Variants in SDK2 observed in about 807,000 individuals in gnomAD.
SDK2 encodes sidekick cell adhesion molecule 2, also known as protein sidekick-2.
A neutral mutation model predicts 253.9 loss-of-function variants in SDK2; 105 were observed. That is an observed-to-expected ratio of 0.41 (90% CI 0.35 to 0.49). The LOEUF (loss-of-function observed/expected upper bound fraction) is 0.49, where lower values mean the gene tolerates loss of function less well. Ranked by LOEUF, SDK2 falls within the 20% of genes least tolerant of loss-of-function variation. The probability of loss-of-function intolerance (pLI) is 0.06; values close to 1 mark genes in which losing one functional copy is unlikely to be tolerated. For missense variants in SDK2, 2,608 were observed against 3,003.0 expected (o/e 0.87, Z 3.07); for synonymous variants, 1,249 against 1,234.9 (o/e 1.01, Z -0.24).
chr17:73,381,588 TGAA>T (rs2062830665), intron 33 of SDK2, among the ~76,000 whole-genome samples: 1 of 151,938 alleles, frequency 6.6e-6, no homozygotes, highest in African/African-American at 2.4e-5. Context: ...AACGTGAAAA[TGAA>T]GAGGCTGGGC....
At chr17:73,537,576 G>C (rs1273463373) in intron 1 of SDK2, among the ~76,000 whole-genome samples, 2 of 152,122 alleles carry the variant, frequency 1.3e-5, no homozygotes, top group African/African-American at 4.8e-5. Context: ...GGAGGGTGGG[G>C]GCTGGGGAGA....
chr17:73,501,056 G>A (rs1599625603), intron 2 of SDK2, among the ~76,000 whole-genome samples: 1 of 152,308 alleles, frequency 6.6e-6, no homozygotes, highest in East Asian at 1.9e-4. Flanking sequence ...TGGAGAAGAG[G>A]GAGCTGAGAG....
chr17:73,386,436 G>T lies in SDK2; in HGVS notation c.4498+9C>A, dbSNP rs1476911334. ...CTGAGAGAGAGACTGCTGGGGAAGG[G>T]GTACTGACCAGCCTGCAGGGTGGTC... On this transcript the variant is annotated intron_variant, in intron 31 of 44. Coordinates refer to ENST00000392650, the MANE Select transcript of SDK2 (RefSeq NM_001144952.2). 1.3e-6 allele frequency: 2 copies of T among 1,533,008 alleles called. No individual in the cohort carries two copies. Among genetic ancestry groups the T allele is most frequent in the Admixed American group, 2.0e-5 (1 of 51,168 alleles). The allele number at this position is 1,533,008 out of a possible 1,614,324, so 95.0% of individuals were successfully genotyped here.
At chr17:73,432,361 C>T (rs536447235) in intron 10 of SDK2, among the ~76,000 whole-genome samples, 2 of 152,100 alleles carry the variant, frequency 1.3e-5, no homozygotes, top group Non-Finnish European at 2.9e-5. Flanking sequence ...CCCCCACCCC[C>T]GTAAGGAAGG....
At chr17:73,489,179 G>A (rs781636127) in intron 2 of SDK2, among the ~76,000 whole-genome samples, 9 of 152,198 alleles carry the variant, frequency 5.9e-5, no homozygotes, top group Non-Finnish European at 1.2e-4. Flanking sequence ...CGTTACTGCT[G>A]CTGCCACACT....
chr17:73,348,401 A>G (rs56942984), intron 44 of SDK2, among the ~76,000 whole-genome samples, 198 bp downstream of exon 44: 1,753 of 152,342 alleles, frequency 0.012, 33 homozygotes, highest in African/African-American at 0.04. Flanking sequence ...CCGGGACCCC[A>G]TTGGCACTGG....
At chr17:73,428,776 A>G (rs186200006) in intron 12 of SDK2, among the ~76,000 whole-genome samples, 2 of 152,242 alleles carry the variant, frequency 1.3e-5, no homozygotes, top group East Asian at 3.9e-4. Context: ...CCCCAGTCCA[A>G]GGAAGACAGA....
chr17:73,588,603 A>C (rs1227850751), intron 1 of SDK2, among the ~76,000 whole-genome samples: 1 of 149,454 alleles, frequency 6.7e-6, no homozygotes, highest in Non-Finnish European at 1.5e-5. Context: ...GGACATCTGG[A>C]AGCATTTTTG....
At chr17:73,451,559 T>A (rs1186399305) in intron 4 of SDK2, among the ~76,000 whole-genome samples, 3 of 152,166 alleles carry the variant, frequency 2.0e-5, no homozygotes, top group Non-Finnish European at 4.4e-5. Flanking sequence ...ACTCAACTTC[T>A]ATGGTGTGAA....
At chr17:73,564,377 G>T (rs2045281546) in intron 1 of SDK2, among the ~76,000 whole-genome samples, 1 of 152,144 alleles carries the variant, frequency 6.6e-6, no homozygotes, top group Non-Finnish European at 1.5e-5. Context: ...GTCCATTTCT[G>T]CTTAAAGTGA....
intron 29 of SDK2, among the ~76,000 whole-genome samples, chr17:73,388,735 C>CCCTTCCTTCCCTCCCT: frequency 8.6e-6 from 1 of 116,900 alleles, no homozygotes; most frequent in Non-Finnish European, 1.9e-5. Flanking sequence ...TTCCTTCCCT[C>CCCTTCCTTCCCTCCCT]CCTTCCTTCC....
intron 44 of SDK2, among the ~76,000 whole-genome samples, chr17:73,344,520 A>G (rs1421554001): frequency 6.6e-6 from 1 of 152,244 alleles, no homozygotes; most frequent in African/African-American, 2.4e-5. Flanking sequence ...GACCAAGGGC[A>G]TACTGCCTCA....
chr17:73,598,297 C>T (rs777438834), intron 1 of SDK2, among the ~76,000 whole-genome samples: 1 of 152,196 alleles, frequency 6.6e-6, no homozygotes, highest in Non-Finnish European at 1.5e-5. Context: ...AGACGCTAAC[C>T]CCCTGTCCTC....
chr17:73,393,609 C>A lies in SDK2; in HGVS notation c.3849G>T (p.Gly1283=). The change falls in exon 27 of 45, where the codon GGG becomes GGT. Residue 1283 remains glycine (G), a synonymous_variant. Coordinates refer to ENST00000392650, the MANE Select transcript of SDK2 (RefSeq NM_001144952.2). The part of the protein sequence containing the change: ...EVQVLAFTRI[G]DGSPSHPPIL... Reference sequence around the variant, plus strand: ...TGGGAGGGTGGCTGGGGCTGCCGTCCCCGATGCGTGTGAAGGCCAGCACCT... The same window carrying A: ...TGGGAGGGTGGCTGGGGCTGCCGTCACCGATGCGTGTGAAGGCCAGCACCT... 6.3e-7 allele frequency: 1 copy of A among 1,586,684 alleles called. No homozygotes were observed. The highest frequency in any genetic ancestry group is 8.6e-7 in the Non-Finnish European group (1 of 1,160,698).
intron 1 of SDK2, among the ~76,000 whole-genome samples, chr17:73,577,638 G>C (rs2045474892): frequency 6.6e-6 from 1 of 152,164 alleles, no homozygotes; most frequent in Non-Finnish European, 1.5e-5. Context: ...CTGTGGGGGA[G>C]GGAGGAGACC....
At position 73,337,053 on chromosome 17, in the gene SDK2, A is replaced by ATGTGTG. The variant is rs3079765; in HGVS notation, c.*1528_*1533dup. The ATGTGTG allele has an allele frequency of 0.02, 2,941 of 148,796 alleles. 37 individuals are homozygous for ATGTGTG. The highest frequency in any genetic ancestry group is 0.021 in the Non-Finnish European group (1,401 of 66,844). The allele number at this position is 148,796 out of a possible 1,614,324, so 9.2% of individuals were successfully genotyped here. On this transcript the variant is annotated 3_prime_UTR_variant, in exon 45 of 45. Transcript: ENST00000392650. ...TCCTTGGAGCAGATTGTGTATGTGTATGTGTGTGTGTGTGTGTGTGTGTGT... is the reference window on the plus strand; with the variant it reads ...TCCTTGGAGCAGATTGTGTATGTGTATGTGTGTGTGTGTGTGTGTGTGTGTGTGTGT...
At chr17:73,353,101 G>T (rs1390240223) in intron 40 of SDK2, among the ~76,000 whole-genome samples, 9 of 138,006 alleles carry the variant, frequency 6.5e-5, no homozygotes, top group Non-Finnish European at 6.4e-5. Flanking sequence ...AAAAAAAAAA[G>T]ACACCTTTTG....
chr17:73,466,724 C>CG (rs886771870), intron 3 of SDK2, among the ~76,000 whole-genome samples: 4 of 142,582 alleles, frequency 2.8e-5, no homozygotes, highest in Admixed American at 1.4e-4. Context: ...CGCCCCCCCC[C>CG]CCCGGCTTAG....
intron 21 of SDK2, among the ~76,000 whole-genome samples, chr17:73,399,718 C>T (rs1040103401): frequency 5.9e-5 from 9 of 152,192 alleles, no homozygotes; most frequent in Non-Finnish European, 1.2e-4. Context: ...CGCCTAATTA[C>T]AGCTCAGGAA....
Sources: allele counts gnomAD v4.1 joint callset (sites outside exome capture counted in the v4.1 genomes callset), GRCh38; gene constraint gnomAD v4.1.1; transcripts MANE v1.5; gene names NCBI Gene and HGNC (gene_info 2026-07-23, HGNC 2026-07-21).